FBXO4: variants seen among roughly 807,000 people sequenced by gnomAD.
The protein encoded by FBXO4 is F-box only protein 4.
In FBXO4, 36 loss-of-function variants were observed where a neutral mutation model predicts 43.7. The observed-to-expected ratio is 0.82, with a 90% CI of 0.63 to 1.09. FBXO4 has a LOEUF of 1.09. Among genes scored for constraint, FBXO4 ranks in the 50% least tolerant of loss-of-function variants. FBXO4 has a pLI of 0.00. For synonymous variants in FBXO4, 180 were observed against 165.6 expected (o/e 1.09, Z -0.67); for missense variants, 435 against 474.1 (o/e 0.92, Z 0.77).
intron 3 of FBXO4, among the ~76,000 whole-genome samples, chr5:41,932,861 G>A (rs1211760981): frequency 6.6e-6 from 1 of 152,128 alleles, no homozygotes; most frequent in Non-Finnish European, 1.5e-5. Context: ...CTTTTGAGGA[G>A]GCAAAAGGAG....
the FBXO4 span, among the ~76,000 whole-genome samples, chr5:41,996,065 G>C: frequency 1.3e-5 from 2 of 152,180 alleles, no homozygotes; most frequent in Non-Finnish European, 2.9e-5. Context: ...GCTGATCACA[G>C]GGAACTCCCC....
chr5:42,028,153 A>G, the FBXO4 span, among the ~76,000 whole-genome samples: 11 of 151,778 alleles, frequency 7.2e-5, no homozygotes, highest in African/African-American at 2.7e-4. Context: ...TCCAGCTATT[A>G]TTGTATTGGA....
the FBXO4 span, among the ~76,000 whole-genome samples, chr5:41,960,336 C>T: frequency 6.6e-6 from 1 of 151,756 alleles, no homozygotes; most frequent in African/African-American, 2.4e-5. Context: ...ATTTGGATGC[C>T]TTTATTTTTC....
the FBXO4 span, among the ~76,000 whole-genome samples, chr5:42,033,451 T>G: frequency 6.6e-6 from 1 of 152,090 alleles, no homozygotes; most frequent in African/African-American, 2.4e-5. Flanking sequence ...CAGATATACG[T>G]GTGTCATGGT....
chr5:41,929,605 G>T, intron 2 of FBXO4, 92 bp from the exon 3 acceptor site: 1 of 868,140 alleles, frequency 1.2e-6, no homozygotes, highest in East Asian at 2.6e-5. Flanking sequence ...TGTATCCATT[G>T]TGTCTAGCAA....
intron 3 of FBXO4, among the ~76,000 whole-genome samples, chr5:41,933,620 G>A (rs1335785280): frequency 1.3e-5 from 2 of 152,142 alleles, no homozygotes; most frequent in African/African-American, 4.8e-5. Flanking sequence ...ATATGAAAAT[G>A]AGTCTTAGTC....
Position 41,939,552 on chromosome 5 carries a change from A to G in FBXO4, c.1010A>G (p.Lys337Arg), listed in dbSNP as rs1209404808. The change falls in exon 6 of 7, where the codon AAA (lysine) becomes AGA (arginine). Residue 337 changes from lysine to arginine, a missense_variant. Transcript: ENST00000281623. ...TCTTGTATTTCTCAAGGGGATGTAA[A>G]AAGAATGCCCTGTTTTTATTTGGCT... Reference protein sequence around the residue: ...VLSCISQGDVKRMPCFYLAHE... With the variant: ...VLSCISQGDVRRMPCFYLAHE... The G allele has an allele frequency of 1.2e-6, 2 of 1,613,872 alleles. No homozygotes were observed. The highest frequency in any genetic ancestry group is 2.7e-5 in the African/African-American group (2 of 75,036).
the FBXO4 span, among the ~76,000 whole-genome samples, chr5:41,970,502 A>G: frequency 6.6e-6 from 1 of 152,028 alleles, no homozygotes; most frequent in Non-Finnish European, 1.5e-5. Flanking sequence ...TTATTAGATT[A>G]AGAGGAAATA....
intron 3 of FBXO4, among the ~76,000 whole-genome samples, chr5:41,930,670 C>CTTTCTTTCT (rs1282987646): frequency 7.1e-6 from 1 of 141,786 alleles, no homozygotes; most frequent in African/African-American, 2.6e-5. Context: ...TTCTTTCTTT[C>CTTTCTTTCT]TTTTTTTTTT....
chr5:41,935,059 C>T (rs944689267), intron 5 of FBXO4: 3 of 984,632 alleles, frequency 3.0e-6, no homozygotes, highest in Admixed American at 1.2e-4. Context: ...ACAGGGCTAT[C>T]TATAAAAAGA....
intron 5 of FBXO4, among the ~76,000 whole-genome samples, chr5:41,938,006 C>G (rs1313458080): frequency 6.6e-6 from 1 of 152,092 alleles, no homozygotes; most frequent in Non-Finnish European, 1.5e-5. Flanking sequence ...TGATTGTTAA[C>G]AGATCTTCAC....
chr5:41,944,600 T>C (rs1752050523), downstream of FBXO4, among the ~76,000 whole-genome samples: 1 of 152,240 alleles, frequency 6.6e-6, no homozygotes, highest in Non-Finnish European at 1.5e-5. Context: ...ACATAAATGT[T>C]AGAAGTCTTT....
the FBXO4 span, among the ~76,000 whole-genome samples, chr5:42,032,959 C>T: frequency 6.6e-6 from 1 of 152,132 alleles, no homozygotes; most frequent in African/African-American, 2.4e-5. Context: ...GATGAATGCT[C>T]TCAGACCTAG....
chr5:41,986,651 CT>C, the FBXO4 span, among the ~76,000 whole-genome samples: 1 of 152,188 alleles, frequency 6.6e-6, no homozygotes, highest in Non-Finnish European at 1.5e-5. Context: ...TTTATGTGAA[CT>C]TTTGAACTTT....
the FBXO4 span, among the ~76,000 whole-genome samples, chr5:41,971,618 G>T: frequency 2.0e-5 from 3 of 151,844 alleles, no homozygotes; most frequent in Admixed American, 6.6e-5. Flanking sequence ...ATCATCTAGT[G>T]TCCTCATCTT....
chr5:41,925,541 C>T (rs1751457923), intron 1 of FBXO4, 43 bp downstream of exon 1: 2 of 1,278,434 alleles, frequency 1.6e-6, no homozygotes, highest in Non-Finnish European at 2.0e-6. Context: ...GGGGCCGGCC[C>T]GGGCCGGAGG....
At chr5:41,958,120 T>G in the FBXO4 span, among the ~76,000 whole-genome samples, 3 of 150,888 alleles carry the variant, frequency 2.0e-5, no homozygotes, top group Admixed American at 2.0e-4. Context: ...TTAAATCTAG[T>G]CTGTTAACAA....
chr5:41,928,980 C>CT (rs1751596467), intron 2 of FBXO4, among the ~76,000 whole-genome samples: 1 of 152,150 alleles, frequency 6.6e-6, no homozygotes, highest in African/African-American at 2.4e-5. Context: ...GCTAGGTTTG[C>CT]TGCAAGGATC....
chr5:41,973,931 A>T, the FBXO4 span, among the ~76,000 whole-genome samples: 1 of 152,280 alleles, frequency 6.6e-6, no homozygotes, highest in East Asian at 1.9e-4. Context: ...CTGGCAATGA[A>T]TTCTCCTAGT....
Sources: allele counts gnomAD v4.1 joint callset (sites outside exome capture counted in the v4.1 genomes callset), GRCh38; gene constraint gnomAD v4.1.1; transcripts MANE v1.5; gene names NCBI Gene and HGNC (gene_info 2026-07-23, HGNC 2026-07-21).